Variants in PYGO2 observed in about 807,000 individuals in gnomAD.
The protein encoded by PYGO2 is pygopus homolog 2.
PYGO2 carries 9 observed loss-of-function variants against 26.7 expected under a neutral mutation model. The ratio of observed to expected loss-of-function variants is 0.34; its 90% CI spans 0.20 to 0.59. The LOEUF is 0.59. PYGO2 is among the 20% of genes least tolerant of loss of function. The probability of loss-of-function intolerance (pLI) is 0.84; values close to 1 mark genes in which losing one functional copy is unlikely to be tolerated. For missense variants in PYGO2, 538 were observed against 561.5 expected, an observed-to-expected ratio of 0.96 and a Z score of 0.42; for synonymous variants, 236 against 219.0, an observed-to-expected ratio of 1.08 and a Z score of -0.68.
In PYGO2 at chr1:154,958,745, G is replaced by A. The variant is rs550768297; in HGVS notation, c.*34C>T. Reference sequence around the variant, plus strand: ...AAATCACCCTGGAAGAGCAGGGAGAGACATGTGCACTTCCCTGGGCCACTT... The same window carrying A: ...AAATCACCCTGGAAGAGCAGGGAGAAACATGTGCACTTCCCTGGGCCACTT... On this transcript the variant is annotated 3_prime_UTR_variant, in exon 3 of 3. Transcript: ENST00000368457. 5.8e-6 allele frequency: 9 copies of A among 1,540,642 alleles called. No homozygotes were observed. In the African/African-American group the frequency reaches 1.1e-4, roughly 19 times the overall value.
intron 1 of PYGO2, among the ~76,000 whole-genome samples, 193 bp downstream of exon 1, chr1:154,961,281 T>C (rs1655351614): frequency 6.6e-6 from 1 of 152,222 alleles, no homozygotes. Context: ...GAATTCCATG[T>C]GGCTCCAAAC....
At chr1:154,960,719 A>G (rs1376034602) in intron 2 of PYGO2, among the ~76,000 whole-genome samples, 1 of 152,216 alleles carries the variant, frequency 6.6e-6, no homozygotes, top group Middle Eastern at 3.2e-3. Context: ...CATCAGGAGG[A>G]AACCAGGACA....
At position 154,959,390 on chromosome 1, in the gene PYGO2, C is replaced by G; in HGVS notation, c.610G>C (p.Ala204Pro). ...GACAGAGAAGGTGGGCCCAGCTCTGCTCTGGGAGGCTGTCCCATGGTGGGT... is the reference window on the plus strand; with the variant it reads ...GACAGAGAAGGTGGGCCCAGCTCTGGTCTGGGAGGCTGTCCCATGGTGGGT... ...ISPTMGQPPR[A>P]ELGPPSLSQR... Residue 204 changes from alanine (A) to proline (P), a missense_variant, in exon 3 of 3, where the codon GCA (alanine) becomes CCA (proline). By Grantham distance (27) the Ala-to-Pro change is conservative (BLOSUM62 -1). Around this residue, in one of 4 missense-constraint regions of PYGO2, gnomAD observed 381 missense variants for 336.6 expected, o/e 1.13. Coordinates refer to ENST00000368457, the MANE Select transcript of PYGO2 (RefSeq NM_138300.4). The surrounding 1 kb of genome is among the most constrained non-coding windows in gnomAD (Gnocchi z 4.7). 1 of 1,599,942 alleles carries G rather than the reference C, an allele frequency of 6.3e-7. No homozygotes were observed. Among genetic ancestry groups the G allele is most frequent in the Non-Finnish European group, 8.5e-7 (1 of 1,174,224 alleles).
In PYGO2 at chr1:154,958,391, G is replaced by T; in HGVS notation, c.*388C>A. 5.5e-6 allele frequency: 1 copy of T among 182,686 alleles called. No homozygotes were observed. The allele number at this position is 182,686 out of a possible 1,614,324, so 11.3% of individuals were successfully genotyped here. A position where few individuals can be genotyped will look rare whatever the true frequency, so the allele number is the denominator to read the frequency against. On this transcript the variant is annotated 3_prime_UTR_variant, in exon 3 of 3. Coordinates refer to ENST00000368457, the MANE Select transcript of PYGO2 (RefSeq NM_138300.4). ...TCCAAAAACTAAGGCTGGAGCTGTG[G>T]GGTTCAGTAGGGGTGTTAGGCACAG...
In PYGO2 at chr1:154,959,628, C is replaced by A. The variant is rs778998869; in HGVS notation, c.372G>T (p.Gly124=). 9.0e-6 allele frequency: 13 copies of A among 1,447,902 alleles called. No homozygotes were observed. Among genetic ancestry groups the A allele is most frequent in the Non-Finnish European group, 1.0e-5 (11 of 1,097,140 alleles). 89.7% of individuals were successfully genotyped at this position (1,447,902 alleles called of 1,614,324 possible). A position where few individuals can be genotyped will look rare whatever the true frequency, so the allele number is the denominator to read the frequency against. Residue 124 remains glycine (G), a synonymous_variant, in exon 3 of 3, where the codon GGG becomes GGT. Transcript: ENST00000368457. This position sits in a 1 kb window ranked among gnomAD's most constrained non-coding sequence, Gnocchi z 4.7. The part of the protein sequence containing the change: ...VPPGYSTGGG[G]GPQPLRRQPP... ...GCTGTCGACGGAGTGGCTGGGGGCC[C>A]CCTCCACCTCCAGTGCTGTAGCCTG... is the stretch of plus-strand genomic sequence containing the variant.
At position 154,961,032 on chromosome 1, in the gene PYGO2, A is replaced by G. The variant is rs1313471500; in HGVS notation, c.104-6T>C. ...TGGACTCTTCATTTGCAGACCTGGA[A>G]GAGCGGCAAAAGGAAGACGCAGACA... On this transcript the variant is annotated splice_polypyrimidine_tract_variant and splice_region_variant and intron_variant, in intron 1 of 2. Transcript: ENST00000368457. 6.2e-7 allele frequency: 1 copy of G among 1,611,308 alleles called. No individual in the cohort carries two copies. The highest frequency in any genetic ancestry group is 1.7e-5 in the Admixed American group (1 of 59,470).
Position 154,961,551 on chromosome 1 carries a change from G to T in PYGO2, c.26C>A (p.Pro9Gln). The change falls in exon 1 of 3, where the codon CCG (proline) becomes CAG (glutamine). Residue 9 changes from proline (P) to glutamine (Q), a missense_variant. Transcript: ENST00000368457. Reference protein sequence around the residue: MAASAPPPPDKLEGGGGPA... With the variant: MAASAPPPQDKLEGGGGPA... ...GCCGCCACCTCCCTCCAGCTTGTCC[G>T]GTGGGGGCGGCGCCGAGGCGGCCAT... The T allele has an allele frequency of 7.2e-7, 1 of 1,388,152 alleles. No homozygotes were observed. The highest frequency in any genetic ancestry group is 9.3e-7 in the Non-Finnish European group (1 of 1,079,318). The allele number at this position is 1,388,152 out of a possible 1,614,324, so 86.0% of individuals were successfully genotyped here.
In PYGO2 at chr1:154,958,567, T is replaced by C; in HGVS notation, c.*212A>G. 1 of 576,118 alleles carries C rather than the reference T, an allele frequency of 1.7e-6. No individual in the cohort carries two copies. Among genetic ancestry groups the C allele is most frequent in the Non-Finnish European group, 3.1e-6 (1 of 322,882 alleles). The allele number at this position is 576,118 out of a possible 1,614,324, so 35.7% of individuals were successfully genotyped here. A position where few individuals can be genotyped will look rare whatever the true frequency, so the allele number is the denominator to read the frequency against. ...AGGGCTTTGGTTTCCTGGATCTCTGTAGATCTCAACATGTAAGTTTCCCAA... is the reference window on the plus strand; with the variant it reads ...AGGGCTTTGGTTTCCTGGATCTCTGCAGATCTCAACATGTAAGTTTCCCAA... On this transcript the variant is annotated 3_prime_UTR_variant, in exon 3 of 3. Coordinates refer to ENST00000368457, the MANE Select transcript of PYGO2 (RefSeq NM_138300.4).
Position 154,961,761 on chromosome 1 carries a change from A to C in PYGO2, c.-185T>G. On this transcript the variant is annotated 5_prime_UTR_variant, in exon 1 of 3. Transcript: ENST00000368457. ...GCTCTCTCCAGACTCGCCGCCCGCC[A>C]GCGGCGGCAGCAACCGGAACCGGAA... is the stretch of plus-strand genomic sequence containing the variant. The C allele has an allele frequency of 2.5e-6, 1 of 401,876 alleles. No homozygotes were observed. Among genetic ancestry groups the C allele is most frequent in the East Asian group, 3.6e-5 (1 of 27,626 alleles). The allele number at this position is 401,876 out of a possible 1,614,324, so 24.9% of individuals were successfully genotyped here.
chr1:154,959,113 C>T lies in PYGO2; in HGVS notation c.887G>A (p.Ser296Asn). 6.2e-7 allele frequency: 1 copy of T among 1,605,796 alleles called. No homozygotes were observed. The highest frequency in any genetic ancestry group is 8.5e-7 in the Non-Finnish European group (1 of 1,175,056). The change falls in exon 3 of 3, where the codon AGT becomes AAT. Residue 296 changes from serine to asparagine, a missense_variant. Around this residue, in one of 4 missense-constraint regions of PYGO2, gnomAD observed 381 missense variants for 336.6 expected, o/e 1.13. Transcript: ENST00000368457. The surrounding 1 kb of genome is among the most constrained non-coding windows in gnomAD (Gnocchi z 4.7). The part of the protein sequence containing the change: ...GNQPSFPPNS[S>N]GRGGGTPDAN... ...ATCTGGAGTGCCCCCACCCCGCCCA[C>T]TGCTGTTCGGGGGGAAACTGGGCTG...
rs566902999 is a variant in PYGO2 at position 154,958,787 on chromosome 1, C to T, written c.1213G>A (p.Asp405Asn). The change falls in exon 3 of 3, where the codon GAT becomes AAT. Residue 405 changes from aspartate to asparagine, a missense_variant. This residue lies in a region of PYGO2 where 72 missense variants were observed against 111.9 expected (regional missense o/e 0.64). Coordinates refer to ENST00000368457, the MANE Select transcript of PYGO2 (RefSeq NM_138300.4). ...EGMGQLVAAN[D>N]G is the part of the protein sequence containing the mutation. ...GGGCCACTTCACCAGCGTCACCCAT[C>T]GTTAGCAGCCACCAGCTGCCCCATG... 5.0e-6 allele frequency: 8 copies of T among 1,611,862 alleles called. No individual in the cohort carries two copies. In the African/African-American group the frequency reaches 5.3e-5, roughly 11 times the overall value.
chr1:154,960,120 C>G (rs1655294393), intron 2 of PYGO2, among the ~76,000 whole-genome samples: 1 of 151,958 alleles, frequency 6.6e-6, no homozygotes, highest in Non-Finnish European at 1.5e-5. Flanking sequence ...AAAAAATTAG[C>G]CGGGCGTGGT....
chr1:154,961,511 A>G lies in PYGO2; in HGVS notation c.66T>C (p.Pro22=). Residue 22 remains proline, a synonymous_variant, in exon 1 of 3, where the codon CCT becomes CCC. Coordinates refer to ENST00000368457, the MANE Select transcript of PYGO2 (RefSeq NM_138300.4). The part of the protein sequence containing the change: ...LEGGGGPAPP[P]APPSTGRKQG... ...GCTTCCTCCCGGTGCTGGGCGGCGC[A>G]GGGGGCGGTGCGGGGCCGCCACCTC... 6.9e-7 allele frequency: 1 copy of G among 1,451,250 alleles called. No homozygotes were observed. The highest frequency in any genetic ancestry group is 9.0e-7 in the Non-Finnish European group (1 of 1,110,300). The allele number at this position is 1,451,250 out of a possible 1,614,324, so 89.9% of individuals were successfully genotyped here.
In PYGO2 at chr1:154,959,374, G is replaced by A; in HGVS notation, c.626C>T (p.Pro209Leu). The change falls in exon 3 of 3, where the codon CCT (proline) becomes CTT (leucine). Residue 209 changes from proline (P) to leucine (L), a missense_variant. Coordinates refer to ENST00000368457, the MANE Select transcript of PYGO2 (RefSeq NM_138300.4). This position sits in a 1 kb window ranked among gnomAD's most constrained non-coding sequence, Gnocchi z 4.7. ...GQPPRAELGP[P>L]SLSQRFAQPG... ...CTGAGCAAATCGTTGGGACAGAGAA[G>A]GTGGGCCCAGCTCTGCTCTGGGAGG... The A allele has an allele frequency of 6.2e-7, 1 of 1,609,814 alleles. No individual in the cohort carries two copies. Among genetic ancestry groups the A allele is most frequent in the African/African-American group, 1.3e-5 (1 of 74,870 alleles).
intron 1 of PYGO2, 138 bp from the exon 2 acceptor site, chr1:154,961,164 G>T: frequency 2.6e-6 from 2 of 776,568 alleles, no homozygotes; most frequent in Non-Finnish European, 4.3e-6. Context: ...CTAACAAGGG[G>T]TGCAATATGA....
At position 154,959,877 on chromosome 1, in the gene PYGO2, C is replaced by T. The variant is rs375739023; in HGVS notation, c.154-31G>A. 2.7e-5 allele frequency: 34 copies of T among 1,238,342 alleles called. No homozygotes were observed. The highest frequency in any genetic ancestry group is 3.6e-5 in the Non-Finnish European group (34 of 951,328). The allele number at this position is 1,238,342 out of a possible 1,614,324, so 76.7% of individuals were successfully genotyped here. The stretch of plus-strand genomic sequence containing the variant: ...GAGAAACAGTTGAGGGAAAGAGGGT[C>T]ATGGAGGGAAACACAGAGCTAAACC... On this transcript the variant is annotated intron_variant, in intron 2 of 2. Coordinates refer to ENST00000368457, the MANE Select transcript of PYGO2 (RefSeq NM_138300.4). The surrounding 1 kb of genome is among the most constrained non-coding windows in gnomAD (Gnocchi z 4.7).
chr1:154,958,475 A>G lies in PYGO2; in HGVS notation c.*304T>C, dbSNP rs1178753752. The G allele has an allele frequency of 5.3e-6, 2 of 376,574 alleles. No individual in the cohort carries two copies. Among genetic ancestry groups the G allele is most frequent in the African/African-American group, 4.1e-5 (2 of 48,452 alleles). 23.3% of individuals were successfully genotyped at this position (376,574 alleles called of 1,614,324 possible). A position where few individuals can be genotyped will look rare whatever the true frequency, so the allele number is the denominator to read the frequency against. On this transcript the variant is annotated 3_prime_UTR_variant, in exon 3 of 3. Coordinates refer to ENST00000368457, the MANE Select transcript of PYGO2 (RefSeq NM_138300.4). Reference sequence around the variant, plus strand: ...ACCCCTGCCCTCCGGATCTTCCTCCAGCCCCTTTTCTCTTGCAGCCACACT... The same window carrying G: ...ACCCCTGCCCTCCGGATCTTCCTCCGGCCCCTTTTCTCTTGCAGCCACACT...
At position 154,959,306 on chromosome 1, in the gene PYGO2, G is replaced by C; in HGVS notation, c.694C>G (p.Gln232Glu). The part of the protein sequence containing the change: ...FGPSPLQRPG[Q>E]GLPSLPPNTS... The stretch of plus-strand genomic sequence containing the variant: ...TTAGGCGGCAGGCTGGGGAGCCCCT[G>C]ACCAGGTCTCTGGAGAGGAGAAGGG... The change falls in exon 3 of 3, where the codon CAG (glutamine) becomes GAG (glutamate). Residue 232 changes from glutamine to glutamate, a missense_variant. Gln to Glu is a conservative substitution (Grantham distance 29). This residue lies in a region of PYGO2 where 381 missense variants were observed against 336.6 expected (regional missense o/e 1.13). Coordinates refer to ENST00000368457, the MANE Select transcript of PYGO2 (RefSeq NM_138300.4). The surrounding 1 kb of genome is among the most constrained non-coding windows in gnomAD (Gnocchi z 4.7). 4 of 1,593,962 alleles carry C rather than the reference G, an allele frequency of 2.5e-6. No homozygotes were observed. Among genetic ancestry groups the C allele is most frequent in the Non-Finnish European group, 1.7e-6 (2 of 1,171,796 alleles).
rs1223461569 is a variant in PYGO2 at position 154,957,344 on chromosome 1, C to T, written c.*1435G>A. 1 of 152,484 alleles carries T rather than the reference C, an allele frequency of 6.6e-6. No individual in the cohort carries two copies. The highest frequency in any genetic ancestry group is 2.4e-5 in the African/African-American group (1 of 41,452). The allele number at this position is 152,484 out of a possible 1,614,324, so 9.4% of individuals were successfully genotyped here. ...GCCCAGAGGCTGCTCTCCTCCCAGCCTCAAAGGTTGTCAGCTCCACCAGAG... is the reference window on the plus strand; with the variant it reads ...GCCCAGAGGCTGCTCTCCTCCCAGCTTCAAAGGTTGTCAGCTCCACCAGAG... On this transcript the variant is annotated 3_prime_UTR_variant, in exon 3 of 3. Coordinates refer to ENST00000368457, the MANE Select transcript of PYGO2 (RefSeq NM_138300.4).
Sources: allele counts gnomAD v4.1 joint callset (sites outside exome capture counted in the v4.1 genomes callset), GRCh38; gene constraint gnomAD v4.1.1; regional missense constraint gnomAD v4.1.1; non-coding constraint Gnocchi (gnomAD v3.1); transcripts MANE v1.5; gene names NCBI Gene and HGNC (gene_info 2026-07-23, HGNC 2026-07-21).